The following PLEKHH3 variants were observed in gnomAD, a reference collection of about 807,000 sequenced individuals.
PLEKHH3 encodes pleckstrin homology domain-containing family H member 3.
Under a neutral mutation model 77.8 loss-of-function variants are expected in PLEKHH3, and 57 were observed. The ratio of observed to expected loss-of-function variants is 0.73; its 90% CI spans 0.59 to 0.91. The LOEUF is 0.91. PLEKHH3 is among the 40% of genes least tolerant of loss of function. PLEKHH3 has a pLI of 0.00. For synonymous variants in PLEKHH3, 467 were observed against 504.8 expected, an observed-to-expected ratio of 0.93 and a Z score of 1.00; for missense variants, 1,082 against 1,091.2, an observed-to-expected ratio of 0.99 and a Z score of 0.12.
rs779211622 is a variant in PLEKHH3 at position 42,671,429 on chromosome 17, C to T, written c.1206G>A (p.Gln402=). Reference sequence around the variant, plus strand: ...GACAGTGCACGGTACACAGCAGCTCCTGCCGTTGGCTCAACGCGGAAATCT... The same window carrying T: ...GACAGTGCACGGTACACAGCAGCTCTTGCCGTTGGCTCAACGCGGAAATCT... ...LAEISALSQR[Q]ELLCTVHCPG... is the part of the protein sequence containing the mutation. Residue 402 remains glutamine (Q), a synonymous_variant, in exon 8 of 13, where the codon CAG becomes CAA. Coordinates refer to ENST00000591022, the MANE Select transcript of PLEKHH3 (RefSeq NM_024927.5). This position sits in a 1 kb window ranked among gnomAD's most constrained non-coding sequence, Gnocchi z 4.7. The T allele has an allele frequency of 8.7e-6, 14 of 1,613,092 alleles. No individual in the cohort carries two copies. In the Admixed American group the frequency reaches 1.2e-4, roughly 13 times the overall value.
Position 42,671,517 on chromosome 17 carries a change from G to A in PLEKHH3, c.1118C>T (p.Ala373Val), listed in dbSNP as rs868382997. 1.2e-6 allele frequency: 2 copies of A among 1,612,490 alleles called. No homozygotes were observed. The highest frequency in any genetic ancestry group is 2.2e-5 in the East Asian group (1 of 44,858). The change falls in exon 8 of 13, where the codon GCG (alanine) becomes GTG (valine). Residue 373 changes from alanine to valine, a missense_variant. Coordinates refer to ENST00000591022, the MANE Select transcript of PLEKHH3 (RefSeq NM_024927.5). This position sits in a 1 kb window ranked among gnomAD's most constrained non-coding sequence, Gnocchi z 4.7. ...GCCCAGCGCTTTCCGGATGAAGCGC[G>A]CATATTCCGCCAGTTCCGAGTCCGG... ...ALPDSELAEY[A>V]RFIRKALGRT...
At position 42,676,383 on chromosome 17, in the gene PLEKHH3, C is replaced by G; in HGVS notation, c.162+19G>C. ...CAGCGAGAGTGATTGAGACGAGGCT[C>G]CGAACCCCCGGGACTTACCCTCCCG... On this transcript the variant is annotated intron_variant, in intron 1 of 12. Coordinates refer to ENST00000591022, the MANE Select transcript of PLEKHH3 (RefSeq NM_024927.5). The surrounding 1 kb of genome is among the most constrained non-coding windows in gnomAD (Gnocchi z 6.6). 1 of 1,612,068 alleles carries G rather than the reference C, an allele frequency of 6.2e-7. No homozygotes were observed. Among genetic ancestry groups the G allele is most frequent in the Non-Finnish European group, 8.5e-7 (1 of 1,179,252 alleles).
At chr17:42,670,762 CA>C (rs1177651888) in intron 9 of PLEKHH3, 57 bp from the exon 10 acceptor site, 7 of 1,571,474 alleles carry the variant, frequency 4.5e-6, no homozygotes, top group Middle Eastern at 4.0e-4. Context: ...ACGGCGAGGG[CA>C]GCTTGGGGTG....
intron 4 of PLEKHH3, 35 bp from the exon 5 acceptor site, chr17:42,673,591 G>A: frequency 6.3e-7 from 1 of 1,589,992 alleles, no homozygotes; most frequent in Non-Finnish European, 8.5e-7. Flanking sequence ...GGCCATTAGG[G>A]TCTGCCGGGG....
chr17:42,670,206 G>T lies in PLEKHH3; in HGVS notation c.1725C>A (p.Arg575=), dbSNP rs999367805. 1 of 1,212,212 alleles carries T rather than the reference G, an allele frequency of 8.2e-7. No individual in the cohort carries two copies. Among genetic ancestry groups the T allele is most frequent in the African/African-American group, 1.6e-5 (1 of 63,098 alleles). 75.1% of individuals were successfully genotyped at this position (1,212,212 alleles called of 1,614,324 possible). The stretch of plus-strand genomic sequence containing the variant: ...CGGAAGGGGGCGGCCTGGGGGTCGG[G>T]CGGGGCGGGTCTTCGCGCGGCGGGG... ...PPAPPREDPP[R]PTPRPPPSAA... The change falls in exon 11 of 13, where the codon CGC becomes CGA. Residue 575 remains arginine (R), a synonymous_variant. Transcript: ENST00000591022.
chr17:42,671,405 A>C lies in PLEKHH3; in HGVS notation c.1230T>G (p.Cys410Trp). The C allele has an allele frequency of 6.2e-7, 1 of 1,613,080 alleles. No homozygotes were observed. The highest frequency in any genetic ancestry group is 8.5e-7 in the Non-Finnish European group (1 of 1,180,006). Residue 410 changes from cysteine (C) to tryptophan (W), a missense_variant, in exon 8 of 13, where the codon TGT becomes TGG. By Grantham distance (215) the Cys-to-Trp change is radical. Transcript: ENST00000591022. The surrounding 1 kb of genome is among the most constrained non-coding windows in gnomAD (Gnocchi z 4.7). Reference sequence around the variant, plus strand: ...CCACAGCACAGGCACCAGCCCCCGGACAGTGCACGGTACACAGCAGCTCCT... The same window carrying C: ...CCACAGCACAGGCACCAGCCCCCGGCCAGTGCACGGTACACAGCAGCTCCT... ...QRQELLCTVHCPGAGACAVAI... is the reference protein window; with the variant it reads ...QRQELLCTVHWPGAGACAVAI...
Position 42,670,097 on chromosome 17 carries a change from T to C in PLEKHH3, c.1834A>G (p.Thr612Ala). The change falls in exon 11 of 13, where the codon ACT (threonine) becomes GCT (alanine). Residue 612 changes from threonine to alanine, a missense_variant. By Grantham distance (58) the Thr-to-Ala change is moderately conservative (BLOSUM62 0). Transcript: ENST00000591022. Reference sequence around the variant, plus strand: ...CCCTCGCGGGCAATGCTTCCCGCAGTGCGGCCGGCCCCGCCGCGCCGGGCC... The same window carrying C: ...CCCTCGCGGGCAATGCTTCCCGCAGCGCGGCCGGCCCCGCCGCGCCGGGCC... The part of the protein sequence containing the change: ...ERARRGGAGR[T>A]AGSIAREGGG... The C allele has an allele frequency of 7.4e-7, 1 of 1,355,156 alleles. No individual in the cohort carries two copies. Among genetic ancestry groups the C allele is most frequent in the South Asian group, 1.8e-5 (1 of 54,246 alleles). 83.9% of individuals were successfully genotyped at this position (1,355,156 alleles called of 1,614,324 possible).
Position 42,670,339 on chromosome 17 carries a change from G to T in PLEKHH3, c.1592C>A (p.Pro531His), listed in dbSNP as rs2052664832. The change falls in exon 11 of 13, where the codon CCC (proline) becomes CAC (histidine). Residue 531 changes from proline (P) to histidine (H), a missense_variant. Coordinates refer to ENST00000591022, the MANE Select transcript of PLEKHH3 (RefSeq NM_024927.5). ...CGCCAGGGCGCGCAGCGTGTCGTCG[G>T]GTGGGGGCGGCCGGCCCCGCAGCAG... is the stretch of plus-strand genomic sequence containing the variant. ...ALLLRGRPPP[P>H]DDTLRALAAL... 2 of 1,402,430 alleles carry T rather than the reference G, an allele frequency of 1.4e-6. No homozygotes were observed. The highest frequency in any genetic ancestry group is 1.5e-5 in the African/African-American group (1 of 66,030). 86.9% of individuals were successfully genotyped at this position (1,402,430 alleles called of 1,614,324 possible). A position where few individuals can be genotyped will look rare whatever the true frequency, so the allele number is the denominator to read the frequency against.
chr17:42,673,182 C>T lies in PLEKHH3; in HGVS notation c.763G>A (p.Ala255Thr), dbSNP rs1444091051. The change falls in exon 6 of 13, where the codon GCC becomes ACC. Residue 255 changes from alanine (A) to threonine (T), a missense_variant. Transcript: ENST00000591022. ...GGGCCATGGGACCACTCACCTGGGG[C>T]GCTGACTCCATAGGGCAGGGGCAGG... ...PLLPLPYGVS[A>T]PGPGYAPLRE... 4 of 1,522,066 alleles carry T rather than the reference C, an allele frequency of 2.6e-6. No homozygotes were observed. The highest frequency in any genetic ancestry group is 1.4e-5 in the African/African-American group (1 of 71,198). 94.3% of individuals were successfully genotyped at this position (1,522,066 alleles called of 1,614,324 possible). A position where few individuals can be genotyped will look rare whatever the true frequency, so the allele number is the denominator to read the frequency against.
rs920738922 is a variant in PLEKHH3 at position 42,676,013 on chromosome 17, G to T, written c.162+389C>A. 5 of 1,080,456 alleles carry T rather than the reference G, an allele frequency of 4.6e-6. No homozygotes were observed. The East Asian group carries it at 4.1e-4, about 89-fold the overall frequency. The allele number at this position is 1,080,456 out of a possible 1,614,324, so 66.9% of individuals were successfully genotyped here. On this transcript the variant is annotated intron_variant, in intron 1 of 12. Transcript: ENST00000591022. The surrounding 1 kb of genome is among the most constrained non-coding windows in gnomAD (Gnocchi z 6.6). ...ATCTGGCCTCCGCACTTGCGAACTGGGAGCGGAGGGGGACCCAGGCGTTCG... is the reference window on the plus strand; with the variant it reads ...ATCTGGCCTCCGCACTTGCGAACTGTGAGCGGAGGGGGACCCAGGCGTTCG...
intron 2 of PLEKHH3, 21 bp from the exon 3 acceptor site, chr17:42,674,034 G>T (rs1392953707): frequency 4.3e-6 from 7 of 1,610,714 alleles, no homozygotes; most frequent in Admixed American, 3.3e-5. Context: ...GGGGAGGGAA[G>T]GTTGGGTCTC....
chr17:42,672,049 C>G (rs1222730221), intron 7 of PLEKHH3, 37 bp downstream of exon 7: 1 of 1,437,750 alleles, frequency 7.0e-7, no homozygotes, highest in Non-Finnish European at 9.2e-7. Context: ...CCGGTAGCTC[C>G]TCGCCTAGGC....
intron 9 of PLEKHH3, 113 bp downstream of exon 9, chr17:42,670,881 G>A: frequency 6.5e-7 from 1 of 1,538,234 alleles, no homozygotes; most frequent in Non-Finnish European, 8.8e-7. Context: ...GTAAACCAGC[G>A]AACACCACAG....
At position 42,671,555 on chromosome 17, in the gene PLEKHH3, G is replaced by T. The variant is rs1345806432; in HGVS notation, c.1080C>A (p.Thr360=). ...GTTCCGAGTCCGGGAGTGCCTGCTC[G>T]GTCCTGGGTTAGGAGGAACCCAGGG... The part of the protein sequence containing the change: ...RGHLLGHLER[T]EQALPDSELA... Residue 360 remains threonine (T), a synonymous_variant, in exon 8 of 13, where the codon ACC becomes ACA. Transcript: ENST00000591022. This position sits in a 1 kb window ranked among gnomAD's most constrained non-coding sequence, Gnocchi z 4.7. 5 of 1,607,928 alleles carry T rather than the reference G, an allele frequency of 3.1e-6. No individual in the cohort carries two copies. The highest frequency in any genetic ancestry group is 3.4e-6 in the Non-Finnish European group (4 of 1,177,580).
Position 42,670,345 on chromosome 17 carries a change from G to A in PLEKHH3, c.1586C>T (p.Pro529Leu). Reference protein sequence around the residue: ...AHALLLRGRPPPPDDTLRALA... With the variant: ...AHALLLRGRPLPPDDTLRALA... ...GGCGCGCAGCGTGTCGTCGGGTGGG[G>A]GCGGCCGGCCCCGCAGCAGCAGAGC... Residue 529 changes from proline (P) to leucine (L), a missense_variant, in exon 11 of 13, where the codon CCC becomes CTC. Transcript: ENST00000591022. 1 of 1,401,790 alleles carries A rather than the reference G, an allele frequency of 7.1e-7. No individual in the cohort carries two copies. The allele number at this position is 1,401,790 out of a possible 1,614,324, so 86.8% of individuals were successfully genotyped here. A position where few individuals can be genotyped will look rare whatever the true frequency, so the allele number is the denominator to read the frequency against.
chr17:42,676,053 C>T lies in PLEKHH3; in HGVS notation c.162+349G>A. On this transcript the variant is annotated intron_variant, in intron 1 of 12. Transcript: ENST00000591022. This position sits in a 1 kb window ranked among gnomAD's most constrained non-coding sequence, Gnocchi z 6.6. Reference sequence around the variant, plus strand: ...CCAGGCGTTCGAGCCGCCCAGCCGGCCTCGCCACATTCCTCGGCGCTGGCG... The same window carrying T: ...CCAGGCGTTCGAGCCGCCCAGCCGGTCTCGCCACATTCCTCGGCGCTGGCG... 8.7e-7 allele frequency: 1 copy of T among 1,149,940 alleles called. No homozygotes were observed. Among genetic ancestry groups the T allele is most frequent in the Non-Finnish European group, 1.1e-6 (1 of 933,332 alleles). 71.2% of individuals were successfully genotyped at this position (1,149,940 alleles called of 1,614,324 possible). A position where few individuals can be genotyped will look rare whatever the true frequency, so the allele number is the denominator to read the frequency against.
In PLEKHH3 at chr17:42,670,117, C is replaced by T. The variant is rs967806317; in HGVS notation, c.1814G>A (p.Arg605Gln). ...CGCAGTGCGGCCGGCCCCGCCGCGC[C>T]GGGCCCGCTCCGCCCGCCTCTTGGC... ...GLAKRRAERA[R>Q]RGGAGRTAGS... Residue 605 changes from arginine (R) to glutamine (Q), a missense_variant, in exon 11 of 13, where the codon CGG becomes CAG. Arg to Gln is a conservative substitution (Grantham distance 43). Around this residue, in one of 3 missense-constraint regions of PLEKHH3, gnomAD observed 733 missense variants for 750.0 expected, o/e 0.98. Coordinates refer to ENST00000591022, the MANE Select transcript of PLEKHH3 (RefSeq NM_024927.5). The T allele has an allele frequency of 3.1e-6, 4 of 1,292,546 alleles. No individual in the cohort carries two copies. The highest frequency in any genetic ancestry group is 6.5e-5 in the East Asian group (2 of 30,592). 80.1% of individuals were successfully genotyped at this position (1,292,546 alleles called of 1,614,324 possible).
intron 2 of PLEKHH3, 79 bp from the exon 3 acceptor site, chr17:42,674,092 G>T: frequency 6.9e-7 from 1 of 1,443,672 alleles, no homozygotes; most frequent in Non-Finnish European, 9.5e-7. Context: ...CAGACCGCAC[G>T]GGTGTCTGCT....
At chr17:42,670,958 G>C (rs1229713375) in intron 9 of PLEKHH3, 36 bp downstream of exon 9, 3 of 1,602,790 alleles carry the variant, frequency 1.9e-6, no homozygotes, top group Non-Finnish European at 2.5e-6. Context: ...GAAGTGGATG[G>C]GCTAATAGAG....
Sources: allele counts gnomAD v4.1 joint callset, GRCh38; gene constraint gnomAD v4.1.1; regional missense constraint gnomAD v4.1.1; non-coding constraint Gnocchi (gnomAD v3.1); transcripts MANE v1.5; gene names NCBI Gene and HGNC (gene_info 2026-07-23, HGNC 2026-07-21).